Variants in NEO1 observed in about 807,000 individuals in gnomAD.
NEO1 encodes neogenin 1.
In NEO1, 63 loss-of-function variants were observed where a neutral mutation model predicts 159.7. The observed-to-expected ratio is 0.39, with a 90% CI of 0.32 to 0.49. The LOEUF (loss-of-function observed/expected upper bound fraction) is 0.49, where lower values mean the gene tolerates loss of function less well. Among genes scored for constraint, NEO1 ranks in the 20% least tolerant of loss-of-function variants. NEO1 has a pLI of 0.85. For missense variants in NEO1, 1,615 were observed against 1,831.0 expected, an observed-to-expected ratio of 0.88 and a Z score of 2.15; for synonymous variants, 633 against 662.0, an observed-to-expected ratio of 0.96 and a Z score of 0.67.
intron 7 of NEO1, among the ~76,000 whole-genome samples, chr15:73,225,289 G>A (rs1396211645): frequency 6.6e-6 from 1 of 152,124 alleles, no homozygotes; most frequent in Non-Finnish European, 1.5e-5. Flanking sequence ...CCCTCCTGCC[G>A]GGAGTTTGTA....
At chr15:73,164,210 G>GTTTTT (rs35133349) in intron 5 of NEO1, among the ~76,000 whole-genome samples, 1 of 125,288 alleles carries the variant, frequency 8.0e-6, no homozygotes, top group African/African-American at 3.0e-5. Context: ...ATTATTATTG[G>GTTTTT]TTTTTTTTTT....
chr15:73,244,459 G>A lies in NEO1; in HGVS notation c.1567G>A (p.Glu523Lys). 6.2e-7 allele frequency: 1 copy of A among 1,613,926 alleles called. No homozygotes were observed. The highest frequency in any genetic ancestry group is 8.5e-7 in the Non-Finnish European group (1 of 1,179,900). The change falls in exon 9 of 29, where the codon GAG becomes AAG. Residue 523 changes from glutamate (E) to lysine (K), a missense_variant. This residue lies in a region of NEO1 where 1,018 missense variants were observed against 1,115.4 expected (regional missense o/e 0.91). Transcript: ENST00000261908. The part of the protein sequence containing the change: ...VMAQNKHGSG[E>K]SSAPLRVETQ... ...GGCTCAAAATAAGCATGGCTCAGGAGAGAGTTCAGCTCCACTGCGAGTAGA... is the reference window on the plus strand; with the variant it reads ...GGCTCAAAATAAGCATGGCTCAGGAAAGAGTTCAGCTCCACTGCGAGTAGA...
At position 73,167,736 on chromosome 15, in the gene NEO1, AG is replaced by A. The variant is rs1302907097; in HGVS notation, c.1016-8665del. ...AAGAAGTGGAGCCTATATTTAATAA[AG>A]GTTTTTGTGAATTTTTCAAAATAAA... On this transcript the variant is annotated intron_variant, in intron 5 of 28. Transcript: ENST00000261908. Among the ~76,000 whole-genome samples the A allele has an allele frequency of 2.6e-5, 4 of 152,346 alleles. No individual in the cohort carries two copies. The East Asian group carries it at 7.7e-4, about 29-fold the overall frequency.
intron 7 of NEO1, among the ~76,000 whole-genome samples, chr15:73,203,889 G>A (rs762458801): frequency 6.1e-4 from 93 of 151,836 alleles, no homozygotes; most frequent in Non-Finnish European, 9.7e-4. Flanking sequence ...AAAAATAAAA[G>A]ATTTTATTTT....
chr15:73,123,108 G>A (rs1005141783), intron 3 of NEO1, among the ~76,000 whole-genome samples: 1 of 150,908 alleles, frequency 6.6e-6, no homozygotes, highest in African/African-American at 2.4e-5. Flanking sequence ...AGTGAGCTGA[G>A]ATTGTGCCAT....
At chr15:73,240,118 G>T (rs1226626132) in intron 8 of NEO1, among the ~76,000 whole-genome samples, 1 of 152,196 alleles carries the variant, frequency 6.6e-6, no homozygotes, top group Non-Finnish European at 1.5e-5. Context: ...CCCTGGCATG[G>T]AGACTGTCTG....
intron 7 of NEO1, among the ~76,000 whole-genome samples, chr15:73,193,337 T>G (rs1361308972): frequency 1.3e-5 from 2 of 151,980 alleles, no homozygotes; most frequent in Admixed American, 6.6e-5. Context: ...AGTATTTAAT[T>G]TAGCTGAGCT....
chr15:73,108,029 A>G (rs951097582), intron 1 of NEO1, among the ~76,000 whole-genome samples: 2 of 152,214 alleles, frequency 1.3e-5, no homozygotes, highest in Non-Finnish European at 2.9e-5. Flanking sequence ...CAAAAAGACA[A>G]ACAACAACAA....
chr15:73,204,543 C>A (rs1220266179), intron 7 of NEO1, among the ~76,000 whole-genome samples: 1 of 152,036 alleles, frequency 6.6e-6, no homozygotes, highest in Non-Finnish European at 1.5e-5. Flanking sequence ...CCCATTCTTT[C>A]CACACCCACG....
chr15:73,119,071 C>A (rs532297908), intron 2 of NEO1, among the ~76,000 whole-genome samples: 1 of 152,100 alleles, frequency 6.6e-6, no homozygotes, highest in Admixed American at 6.6e-5. Context: ...ATAGTGTTAC[C>A]ATATGACCTA....
chr15:73,054,747 G>A (rs2067619445), intron 1 of NEO1, among the ~76,000 whole-genome samples: 1 of 152,188 alleles, frequency 6.6e-6, no homozygotes. Context: ...CATTACAAAA[G>A]CGAGAGGAAT....
intron 5 of NEO1, among the ~76,000 whole-genome samples, chr15:73,155,246 G>A (rs2033695248): frequency 6.6e-6 from 1 of 151,928 alleles, no homozygotes; most frequent in Non-Finnish European, 1.5e-5. Context: ...GGTGGTGGTG[G>A]TGGTTTTCCT....
chr15:73,289,297 C>A, intron 25 of NEO1, 59 bp downstream of exon 25: 1 of 1,384,342 alleles, frequency 7.2e-7, no homozygotes, highest in South Asian at 1.2e-5. Flanking sequence ...TGTAGGGGAA[C>A]AACTATGAAT....
intron 25 of NEO1, among the ~76,000 whole-genome samples, chr15:73,289,526 T>C (rs2042082510): frequency 1.3e-5 from 2 of 152,188 alleles, no homozygotes; most frequent in South Asian, 2.1e-4. Flanking sequence ...CATATCTCTA[T>C]GGGAGAGATG....
chr15:73,208,453 T>C (rs1297581123), intron 7 of NEO1, among the ~76,000 whole-genome samples: 1 of 152,252 alleles, frequency 6.6e-6, no homozygotes, highest in Non-Finnish European at 1.5e-5. Context: ...CATCCCATTC[T>C]AGTGTTTAGT....
chr15:73,279,201 T>A (rs552423301), intron 22 of NEO1, among the ~76,000 whole-genome samples: 6 of 152,162 alleles, frequency 3.9e-5, no homozygotes, highest in Non-Finnish European at 8.8e-5. Context: ...GGACTCTGTT[T>A]ATGAGTTTCT....
chr15:73,231,735 C>G (rs1013317858), intron 7 of NEO1, among the ~76,000 whole-genome samples: 1 of 152,124 alleles, frequency 6.6e-6, no homozygotes, highest in Non-Finnish European at 1.5e-5. Context: ...AGGCATCCAT[C>G]CTGGCCCCTC....
intron 7 of NEO1, among the ~76,000 whole-genome samples, chr15:73,181,384 A>AAAAGGATCCT (rs2035603231): frequency 6.6e-6 from 1 of 152,224 alleles, no homozygotes; most frequent in South Asian, 2.1e-4. Flanking sequence ...AAATCGGTGG[A>AAAAGGATCCT]AAAGGATCCT....
chr15:73,132,243 A>G lies in NEO1; in HGVS notation c.879-3648A>G, dbSNP rs78368455. Among the ~76,000 whole-genome samples, 2,716 of 152,294 alleles carry G rather than the reference A, an allele frequency of 0.018. 158 individuals are homozygous for G. In the East Asian group the frequency reaches 0.2, roughly 11 times the overall value. On this transcript the variant is annotated intron_variant, in intron 4 of 28. Transcript: ENST00000261908. ...TTATCCAACTTTTTAAGAGTAGTCA[A>G]TACTTTTTTGCTTTCTTTTTGTCCC...
Sources: allele counts gnomAD v4.1 joint callset (sites outside exome capture counted in the v4.1 genomes callset), GRCh38; gene constraint gnomAD v4.1.1; regional missense constraint gnomAD v4.1.1; transcripts MANE v1.5; gene names NCBI Gene and HGNC (gene_info 2026-07-23, HGNC 2026-07-21).